ATRNL1: variants seen among roughly 807,000 people sequenced by gnomAD.
ATRNL1 encodes attractin like 1, also known as attractin-like protein 1.
Under a neutral mutation model 182.7 loss-of-function variants are expected in ATRNL1, and 95 were observed. The ratio of observed to expected loss-of-function variants is 0.52; its 90% CI spans 0.44 to 0.62. The LOEUF (loss-of-function observed/expected upper bound fraction) is 0.62. Ranked by LOEUF, ATRNL1 falls within the 20% of genes least tolerant of loss-of-function variation. ATRNL1 has a pLI of 0.00. For synonymous variants in ATRNL1, 576 were observed against 568.3 expected (o/e 1.01, Z -0.19); for missense variants, 1,471 against 1,679.5 (o/e 0.88, Z 2.17).
In ATRNL1 at chr10:115,941,470, T is replaced by C. The variant is rs570018043; in HGVS notation, c.4019-3188T>C. Among the ~76,000 whole-genome samples, 4 of 152,336 alleles carry C rather than the reference T, an allele frequency of 2.6e-5. 1 individual carries two copies. The South Asian group carries it at 8.3e-4, about 32-fold the overall frequency. ...TGCTTACTCCTCTCCCGATGCTATA[T>C]CTTCTGTAATGAAAACATTTGCATT... On this transcript the variant is annotated intron_variant, in intron 28 of 28. Transcript: ENST00000355044.
At chr10:115,532,793 A>G (rs1186016175) in intron 25 of ATRNL1, among the ~76,000 whole-genome samples, 1 of 152,048 alleles carries the variant, frequency 6.6e-6, no homozygotes, top group Non-Finnish European at 1.5e-5. Flanking sequence ...ATTTTGAGAT[A>G]CATCCCATCA....
intron 8 of ATRNL1, among the ~76,000 whole-genome samples, chr10:115,214,180 T>A (rs1441767632): frequency 6.6e-6 from 1 of 152,042 alleles, no homozygotes; most frequent in Non-Finnish European, 1.5e-5. Flanking sequence ...GAAATGTACC[T>A]CTAGGTAGTG....
chr10:115,683,658 T>C (rs1946127348), intron 26 of ATRNL1, among the ~76,000 whole-genome samples: 1 of 148,236 alleles, frequency 6.7e-6, no homozygotes, highest in Admixed American at 7.1e-5. Flanking sequence ...ACTAAGGTTT[T>C]ATAACAAATT....
chr10:115,943,553 ACT>A (rs1486080924), intron 28 of ATRNL1, among the ~76,000 whole-genome samples: 1 of 151,852 alleles, frequency 6.6e-6, no homozygotes, highest in Non-Finnish European at 1.5e-5. Flanking sequence ...AGCAACAAGA[ACT>A]CTCATTCATT....
chr10:115,290,119 T>A (rs1554920365), intron 15 of ATRNL1, among the ~76,000 whole-genome samples: 2 of 152,174 alleles, frequency 1.3e-5, no homozygotes, highest in Non-Finnish European at 2.9e-5. Flanking sequence ...TTAAATTAAT[T>A]CTAAGTATTG....
chr10:115,575,219 A>G (rs553514228), intron 26 of ATRNL1, among the ~76,000 whole-genome samples: 13 of 152,306 alleles, frequency 8.5e-5, no homozygotes, highest in Non-Finnish European at 1.5e-4. Flanking sequence ...TTTAGAAAAT[A>G]TGTGTTGTTA....
In ATRNL1 at chr10:115,947,138, A is replaced by G. The variant is rs1305317860; in HGVS notation, c.*2359A>G. On this transcript the variant is annotated 3_prime_UTR_variant, in exon 29 of 29. Coordinates refer to ENST00000355044, the MANE Select transcript of ATRNL1 (RefSeq NM_207303.4). ...CAACGTATCAAAGCTTTTCACTGGC[A>G]GTAAATTCTTTGCCCTCAGGTGAAG... is the stretch of plus-strand genomic sequence containing the variant. 1 of 152,658 alleles carries G rather than the reference A, an allele frequency of 6.6e-6. No individual in the cohort carries two copies. Among genetic ancestry groups the G allele is most frequent in the Non-Finnish European group, 1.5e-5 (1 of 68,034 alleles). The allele number at this position is 152,658 out of a possible 1,614,324, so 9.5% of individuals were successfully genotyped here. A position where few individuals can be genotyped will look rare whatever the true frequency, so the allele number is the denominator to read the frequency against.
intron 26 of ATRNL1, among the ~76,000 whole-genome samples, chr10:115,627,052 A>G (rs1181680117): frequency 6.6e-6 from 1 of 152,216 alleles, no homozygotes; most frequent in Non-Finnish European, 1.5e-5. Context: ...TAAAATTTGC[A>G]AAACTTGAAA....
At chr10:115,512,754 C>T (rs536931914) in intron 24 of ATRNL1, among the ~76,000 whole-genome samples, 71 of 151,792 alleles carry the variant, frequency 4.7e-4, no homozygotes, top group Non-Finnish European at 8.8e-4. Flanking sequence ...GTTTGAAAAG[C>T]ATAGTTTTAT....
intron 27 of ATRNL1, among the ~76,000 whole-genome samples, chr10:115,822,167 T>G (rs545682465): frequency 3.5e-4 from 54 of 152,310 alleles, no homozygotes; most frequent in African/African-American, 1.3e-3. Context: ...AGCAACCTGC[T>G]CTGGAATGAC....
chr10:115,937,345 A>G (rs1290813519), intron 28 of ATRNL1, among the ~76,000 whole-genome samples: 1 of 152,208 alleles, frequency 6.6e-6, no homozygotes, highest in Non-Finnish European at 1.5e-5. Context: ...ACTGGTTTTT[A>G]GTAGGTGAGG....
At chr10:115,698,649 G>A (rs1946637114) in intron 26 of ATRNL1, among the ~76,000 whole-genome samples, 1 of 151,980 alleles carries the variant, frequency 6.6e-6, no homozygotes, top group Non-Finnish European at 1.5e-5. Flanking sequence ...ATGATGTCGT[G>A]GGCCTGTAGT....
intron 24 of ATRNL1, among the ~76,000 whole-genome samples, chr10:115,503,363 T>C (rs1704096862): frequency 6.6e-6 from 1 of 151,964 alleles, no homozygotes; most frequent in African/African-American, 2.4e-5. Flanking sequence ...TTTAAGAAAA[T>C]ATTGTTAGTC....
chr10:115,414,480 C>A (rs1160675001), intron 20 of ATRNL1, among the ~76,000 whole-genome samples: 2 of 147,786 alleles, frequency 1.4e-5, no homozygotes, highest in African/African-American at 5.3e-5. Flanking sequence ...CTACTTACTT[C>A]TAATTTTATG....
At chr10:115,537,365 T>A (rs576604281) in intron 25 of ATRNL1, among the ~76,000 whole-genome samples, 72 of 152,356 alleles carry the variant, frequency 4.7e-4, no homozygotes, top group Non-Finnish European at 8.4e-4. Context: ...TTTACTGTAC[T>A]GGGAAACAGT....
At chr10:115,125,998 CTCTT>C (rs1844956386) in intron 3 of ATRNL1, among the ~76,000 whole-genome samples, 1 of 152,184 alleles carries the variant, frequency 6.6e-6, no homozygotes, top group Non-Finnish European at 1.5e-5. Context: ...AGTGGAAACT[CTCTT>C]TTATTTATTG....
At chr10:115,532,419 G>A (rs1554988615) in intron 25 of ATRNL1, among the ~76,000 whole-genome samples, 1 of 152,036 alleles carries the variant, frequency 6.6e-6, no homozygotes, top group Admixed American at 6.6e-5. Flanking sequence ...CTCATGATTT[G>A]GCTCTCTATC....
chr10:115,281,905 A>C (rs1852377794), intron 14 of ATRNL1, among the ~76,000 whole-genome samples: 2 of 148,472 alleles, frequency 1.3e-5, no homozygotes, highest in African/African-American at 4.9e-5. Context: ...GGCAACAATA[A>C]TATAGAACAT....
intron 26 of ATRNL1, among the ~76,000 whole-genome samples, chr10:115,615,406 TTTTTC>T (rs1254974924): frequency 6.6e-6 from 1 of 152,158 alleles, no homozygotes; most frequent in Non-Finnish European, 1.5e-5. Context: ...GAACACTTTT[TTTTTC>T]TTTTCTTCTG....
Sources: allele counts gnomAD v4.1 joint callset (sites outside exome capture counted in the v4.1 genomes callset), GRCh38; gene constraint gnomAD v4.1.1; transcripts MANE v1.5; gene names NCBI Gene and HGNC (gene_info 2026-07-23, HGNC 2026-07-21).